DNAH5: variants seen among roughly 807,000 people sequenced by gnomAD.
DNAH5 encodes the protein axonemal beta dynein heavy chain 5.
A neutral mutation model predicts 518.2 loss-of-function variants in DNAH5; 372 were observed. The observed-to-expected ratio is 0.72, with a 90% CI of 0.66 to 0.78. The LOEUF (loss-of-function observed/expected upper bound fraction) is 0.78, where lower values mean the gene tolerates loss of function less well. Ranked by LOEUF, DNAH5 falls within the 30% of genes least tolerant of loss-of-function variation. DNAH5 has a pLI of 0.00. For synonymous variants in DNAH5, 2,039 were observed against 2,025.9 expected (o/e 1.01, Z -0.17); for missense variants, 5,523 against 5,687.0 (o/e 0.97, Z 0.93).
At chr5:13,784,413 T>A (rs1461481615) in intron 52 of DNAH5, among the ~76,000 whole-genome samples, 1 of 152,216 alleles carries the variant, frequency 6.6e-6, no homozygotes, top group East Asian at 1.9e-4. Flanking sequence ...TCGGTACAGA[T>A]GCCTCAGATT....
intron 1 of DNAH5, among the ~76,000 whole-genome samples, chr5:13,978,160 G>A (rs573653647): frequency 2.6e-5 from 4 of 152,234 alleles, no homozygotes; most frequent in Non-Finnish European, 5.9e-5. Flanking sequence ...CTCCGGCCAA[G>A]AGAGAGACCT....
intron 78 of DNAH5, among the ~76,000 whole-genome samples, chr5:13,696,021 C>A (rs1741331646): frequency 1.3e-5 from 2 of 152,146 alleles, no homozygotes; most frequent in South Asian, 4.1e-4. Context: ...GCCAGGAGGT[C>A]TCTACCCCTG....
intron 65 of DNAH5, among the ~76,000 whole-genome samples, chr5:13,739,241 C>A (rs1484347292): frequency 6.6e-6 from 1 of 152,146 alleles, no homozygotes; most frequent in African/African-American, 2.4e-5. Flanking sequence ...CCCCACAATC[C>A]CCAAGTGTCA....
At chr5:13,980,554 C>G (rs1782601982) in intron 1 of DNAH5, among the ~76,000 whole-genome samples, 1 of 152,136 alleles carries the variant, frequency 6.6e-6, no homozygotes, top group African/African-American at 2.4e-5. Flanking sequence ...TCTAACCCAC[C>G]CTGAAACCCC....
At chr5:14,011,767 C>T (rs1164292030) in exon 1 of DNAH5, among the ~76,000 whole-genome samples, 4 of 152,172 alleles carry the variant, frequency 2.6e-5, no homozygotes, top group South Asian at 2.1e-4. Flanking sequence ...GGAGTCCGCT[C>T]AGGCCGCCCG....
In DNAH5 at chr5:13,766,485, A is replaced by G. The variant is rs1021784; in HGVS notation, c.9898-306T>C. Reference sequence around the variant, plus strand: ...AAAGAAAGGCATAATCTGAAAGAAAAAGAATAGTCAGCACATAAGTAGATT... The same window carrying G: ...AAAGAAAGGCATAATCTGAAAGAAAGAGAATAGTCAGCACATAAGTAGATT... On this transcript the variant is annotated intron_variant, in intron 58 of 78. Transcript: ENST00000265104. Among the ~76,000 whole-genome samples, 612 of 152,368 alleles carry G rather than the reference A, an allele frequency of 4.0e-3. 4 individuals are homozygous for G. Among genetic ancestry groups the G allele is most frequent in the African/African-American group, 0.014 (590 of 41,590 alleles).
chr5:13,778,129 G>C (rs1417100856), intron 53 of DNAH5, among the ~76,000 whole-genome samples: 1 of 152,070 alleles, frequency 6.6e-6, no homozygotes, highest in Non-Finnish European at 1.5e-5. Context: ...AGAGAAAAGA[G>C]CCATCTGATT....
chr5:13,989,016 C>T (rs929310466), intron 1 of DNAH5, among the ~76,000 whole-genome samples: 9 of 151,940 alleles, frequency 5.9e-5, no homozygotes, highest in Admixed American at 2.6e-4. Flanking sequence ...TGTAAGCCAC[C>T]GCACCTGGCC....
rs1418690369 is a variant in DNAH5, at chr5:13,972,494, A to G, written c.12+39154T>C. On this transcript the variant is annotated intron_variant, in intron 1 of 78. Transcript: ENST00000681290. ...GTCAGGAATGGCTTCCCTGGAGACCAAGAGTGCCCACAGGACTCTTCCCGC... is the reference window on the plus strand; with the variant it reads ...GTCAGGAATGGCTTCCCTGGAGACCGAGAGTGCCCACAGGACTCTTCCCGC... Among the ~76,000 whole-genome samples, 5 of 152,194 alleles carry G rather than the reference A, an allele frequency of 3.3e-5. No homozygotes were observed. The East Asian group carries it at 9.6e-4, about 29-fold the overall frequency.
chr5:13,693,190 TA>T (rs1740935935), intron 78 of DNAH5, among the ~76,000 whole-genome samples: 1 of 152,162 alleles, frequency 6.6e-6, no homozygotes, highest in African/African-American at 2.4e-5. Context: ...ACAAAAAAAT[TA>T]AAAAACCCTC....
chr5:13,860,614 G>A (rs1410989455), intron 29 of DNAH5: 1 of 152,256 alleles, frequency 6.6e-6, no homozygotes, highest in Non-Finnish European at 1.5e-5. Flanking sequence ...ACCTGGGAAA[G>A]ACAGATGAGT....
intron 76 of DNAH5, among the ~76,000 whole-genome samples, chr5:13,706,843 T>A (rs1301209042): frequency 1.3e-5 from 2 of 152,206 alleles, no homozygotes; most frequent in African/African-American, 2.4e-5. Context: ...CTACATACTG[T>A]ATTTACAGAT....
chr5:13,857,006 G>T (rs113925845), intron 30 of DNAH5, among the ~76,000 whole-genome samples: 1,607 of 152,234 alleles, frequency 0.011, 20 homozygotes, highest in African/African-American at 0.036. Context: ...TGGTAGTTCT[G>T]GCCAGGGCAA....
chr5:13,783,077 G>A (rs1755437514), intron 52 of DNAH5, among the ~76,000 whole-genome samples: 1 of 152,204 alleles, frequency 6.6e-6, no homozygotes, highest in Non-Finnish European at 1.5e-5. Flanking sequence ...CCCCGCCTGG[G>A]TGAGGTATGT....
chr5:13,769,716 G>T, intron 56 of DNAH5, 101 bp from the exon 57 acceptor site: 1 of 1,035,146 alleles, frequency 9.7e-7, no homozygotes, highest in Non-Finnish European at 1.5e-6. Flanking sequence ...TATATCTGAA[G>T]ATTGCATGTA....
In DNAH5 at chr5:13,841,812, C is replaced by A. The variant is rs1363072967; in HGVS notation, c.5364G>T (p.Trp1788Cys). Reference protein sequence around the residue: ...PVMAEGNVEVWLNSLLEESQS... With the variant: ...PVMAEGNVEVCLNSLLEESQS... ...GAGATTCTTCCAAAAGAGAATTAAG[C>A]CAAACTTCCACATTGCCCTCTGCCA... The change falls in exon 33 of 79, where the codon TGG (tryptophan) becomes TGT (cysteine). Residue 1788 changes from tryptophan (W) to cysteine (C), a missense_variant. Trp to Cys is a radical substitution (Grantham distance 215). This residue lies in a region of DNAH5 where 5,121 missense variants were observed against 5,223.3 expected (regional missense o/e 0.98). Coordinates refer to ENST00000265104, the MANE Select transcript of DNAH5 (RefSeq NM_001369.3). 1 of 1,612,604 alleles carries A rather than the reference C, an allele frequency of 6.2e-7. No homozygotes were observed. Among genetic ancestry groups the A allele is most frequent in the Admixed American group, 1.7e-5 (1 of 59,860 alleles).
chr5:13,785,805 G>T (rs1755893842), intron 52 of DNAH5, among the ~76,000 whole-genome samples: 1 of 152,128 alleles, frequency 6.6e-6, no homozygotes, highest in African/African-American at 2.4e-5. Flanking sequence ...ATAACATAAT[G>T]TCCTCAAGGC....
intron 67 of DNAH5, 115 bp downstream of exon 67, chr5:13,735,703 G>A (rs919203592): frequency 2.0e-5 from 18 of 905,540 alleles, no homozygotes; most frequent in Non-Finnish European, 3.1e-5. Flanking sequence ...ACTGATCTGA[G>A]ATTTAAAAAA....
At position 13,758,882 on chromosome 5, in the gene DNAH5, C is replaced by T. The variant is rs1751389672; in HGVS notation, c.10383G>A (p.Val3461=). 6 of 1,614,178 alleles carry T rather than the reference C, an allele frequency of 3.7e-6. No individual in the cohort carries two copies. The highest frequency in any genetic ancestry group is 3.3e-5 in the South Asian group (3 of 91,082). The change falls in exon 61 of 79, where the codon GTG becomes GTA. Residue 3461 remains valine, a synonymous_variant. Transcript: ENST00000265104. ...LDDKQAELDV[V]QAEYEQAMTE... The stretch of plus-strand genomic sequence containing the variant: ...TCATGGCCTGTTCATACTCAGCCTG[C>T]ACCACGTCAAGTTCCGCCTGCTTGT...
Sources: allele counts gnomAD v4.1 joint callset (sites outside exome capture counted in the v4.1 genomes callset), GRCh38; gene constraint gnomAD v4.1.1; regional missense constraint gnomAD v4.1.1; transcripts MANE v1.5; gene names NCBI Gene and HGNC (gene_info 2026-07-23, HGNC 2026-07-21).